Variants in COL25A1 observed in about 807,000 individuals in gnomAD.
COL25A1 encodes the protein collagen type XXV alpha 1 chain.
In COL25A1, 103 loss-of-function variants were observed where a neutral mutation model predicts 128.4. The observed-to-expected ratio is 0.80, with a 90% CI of 0.68 to 0.94. The LOEUF (loss-of-function observed/expected upper bound fraction) is 0.94. Among genes scored for constraint, COL25A1 ranks in the 40% least tolerant of loss-of-function variants. COL25A1 has a pLI of 0.00. For synonymous variants in COL25A1, 279 were observed against 277.2 expected, an observed-to-expected ratio of 1.01 and a Z score of -0.06; for missense variants, 745 against 840.0, an observed-to-expected ratio of 0.89 and a Z score of 1.40.
intron 5 of COL25A1, among the ~76,000 whole-genome samples, chr4:109,022,704 A>G (rs1757886670): frequency 6.6e-6 from 1 of 152,220 alleles, no homozygotes; most frequent in Non-Finnish European, 1.5e-5. Context: ...CACATAGGGT[A>G]AGTGTGGATG....
chr4:109,123,677 G>A (rs1401671337), intron 3 of COL25A1, among the ~76,000 whole-genome samples: 4 of 151,958 alleles, frequency 2.6e-5, no homozygotes, highest in Non-Finnish European at 5.9e-5. Context: ...ATATTCTATT[G>A]ATAATGCTGG....
intron 3 of COL25A1, among the ~76,000 whole-genome samples, chr4:109,172,129 G>A (rs1332793644): frequency 6.6e-6 from 1 of 152,138 alleles, no homozygotes; most frequent in Non-Finnish European, 1.5e-5. Context: ...TGAGCTCACT[G>A]AGAACACTTC....
At chr4:108,991,489 C>T (rs1021810573) in intron 6 of COL25A1, among the ~76,000 whole-genome samples, 1 of 152,048 alleles carries the variant, frequency 6.6e-6, no homozygotes, top group African/African-American at 2.4e-5. Flanking sequence ...ATCAAAAATT[C>T]TAATATATTA....
In COL25A1 at chr4:108,920,576, AC is replaced by A; in HGVS notation, c.735+1del. 1 of 1,602,452 alleles carries A rather than the reference AC, an allele frequency of 6.2e-7. No homozygotes were observed. Among genetic ancestry groups the A allele is most frequent in the Non-Finnish European group, 8.5e-7 (1 of 1,171,758 alleles). On this transcript the variant is annotated splice_donor_variant, in intron 12 of 37. Coordinates refer to ENST00000399132, the MANE Select transcript of COL25A1 (RefSeq NM_198721.4). LOFTEE classifies it high-confidence loss of function. ...TTCACAATATTGTTGTTTATACTCT[AC>A]CTTTTGTCCCGGAGGCCCTAGAGGA...
intron 3 of COL25A1, among the ~76,000 whole-genome samples, chr4:109,240,284 C>T (rs959783481): frequency 6.6e-6 from 1 of 151,938 alleles, no homozygotes; most frequent in East Asian, 1.9e-4. Context: ...TTGTTTACAC[C>T]AGCATCACCG....
intron 19 of COL25A1, among the ~76,000 whole-genome samples, chr4:108,871,633 A>T (rs577952552): frequency 6.6e-6 from 1 of 152,270 alleles, no homozygotes; most frequent in East Asian, 1.9e-4. Flanking sequence ...CTAATTTTAA[A>T]GGCTTTGAGC....
chr4:109,197,978 C>T (rs1410343779), intron 3 of COL25A1, among the ~76,000 whole-genome samples: 3 of 152,154 alleles, frequency 2.0e-5, no homozygotes, highest in Non-Finnish European at 2.9e-5. Flanking sequence ...TTTTCTCATT[C>T]ATCAAAACAT....
At chr4:109,020,828 GA>G (rs1757675741) in intron 5 of COL25A1, among the ~76,000 whole-genome samples, 1 of 152,006 alleles carries the variant, frequency 6.6e-6, no homozygotes, top group South Asian at 2.1e-4. Context: ...AATTTTATTG[GA>G]TACCTAATAT....
chr4:109,248,259 T>C (rs75615559), intron 3 of COL25A1, among the ~76,000 whole-genome samples: 2,102 of 151,140 alleles, frequency 0.014, 36 homozygotes, highest in East Asian at 0.058. Context: ...TTCAATAGAA[T>C]TAATATTTCC....
chr4:109,050,083 C>T (rs773140040), intron 4 of COL25A1, 52 bp downstream of exon 4: 19 of 1,477,876 alleles, frequency 1.3e-5, no homozygotes, highest in East Asian at 4.6e-5. Context: ...GAACAGATGC[C>T]GGAACTTAAC....
intron 3 of COL25A1, among the ~76,000 whole-genome samples, chr4:109,141,391 T>A (rs1262573033): frequency 3.3e-5 from 5 of 151,834 alleles, no homozygotes; most frequent in Non-Finnish European, 7.4e-5. Flanking sequence ...GGCCAGAAAT[T>A]TCCTTTTTTT....
chr4:109,079,317 T>C (rs1560651217), intron 3 of COL25A1, among the ~76,000 whole-genome samples: 1 of 152,222 alleles, frequency 6.6e-6, no homozygotes, highest in Non-Finnish European at 1.5e-5. Flanking sequence ...TTCTACACTA[T>C]TTACCATTAA....
chr4:108,821,587 A>G (rs1037175763), intron 35 of COL25A1, among the ~76,000 whole-genome samples: 5 of 152,012 alleles, frequency 3.3e-5, no homozygotes, highest in Non-Finnish European at 4.4e-5. Context: ...TGGTAAATCA[A>G]CTCAGATTAA....
intron 3 of COL25A1, among the ~76,000 whole-genome samples, chr4:109,160,171 C>T (rs1185290342): frequency 6.6e-6 from 1 of 152,102 alleles, no homozygotes; most frequent in East Asian, 1.9e-4. Flanking sequence ...ATTTACATTG[C>T]TTTTTCTAAT....
chr4:109,050,191 A>G lies in COL25A1; in HGVS notation c.368-12T>C. On this transcript the variant is annotated splice_polypyrimidine_tract_variant and intron_variant, in intron 3 of 37. Coordinates refer to ENST00000399132, the MANE Select transcript of COL25A1 (RefSeq NM_198721.4). ...TTTCCCTGGAGGGCCTGAAATACAA[A>G]GGATAATTTTTTTAGTGTAGTTTAA... The G allele has an allele frequency of 6.2e-7, 1 of 1,603,422 alleles. No individual in the cohort carries two copies. Among genetic ancestry groups the G allele is most frequent in the Non-Finnish European group, 8.5e-7 (1 of 1,173,476 alleles).
chr4:109,254,338 G>A (rs925375792), intron 3 of COL25A1, among the ~76,000 whole-genome samples: 171 of 150,582 alleles, frequency 1.1e-3, no homozygotes, highest in African/African-American at 4.0e-3. Context: ...ATTTGCCAAA[G>A]ACATTGAGGC....
chr4:109,184,224 C>T (rs1258666468), intron 3 of COL25A1, among the ~76,000 whole-genome samples: 1 of 152,068 alleles, frequency 6.6e-6, no homozygotes, highest in African/African-American at 2.4e-5. Context: ...TACTTTGTTG[C>T]TAAATGAAGG....
chr4:108,928,649 C>A (rs1054895291), intron 11 of COL25A1, among the ~76,000 whole-genome samples: 5 of 151,900 alleles, frequency 3.3e-5, no homozygotes, highest in Admixed American at 1.3e-4. Context: ...CTCAAGCGAT[C>A]CTCCTGTCTC....
chr4:108,952,573 G>A lies in COL25A1; in HGVS notation c.493-11136C>T, dbSNP rs563786652. ...TTGTCAAAAAGTCTTCTAAGATGGC[G>A]CAGTATAAAAATAGCATGCAATACA... On this transcript the variant is annotated intron_variant, in intron 8 of 37. Coordinates refer to ENST00000399132, the MANE Select transcript of COL25A1 (RefSeq NM_198721.4). 2.6e-5 allele frequency among the ~76,000 whole-genome samples: 4 copies of A among 152,196 alleles called. No homozygotes were observed. In the East Asian group the frequency reaches 5.8e-4, roughly 22 times the overall value.
Sources: allele counts gnomAD v4.1 joint callset (sites outside exome capture counted in the v4.1 genomes callset), GRCh38; gene constraint gnomAD v4.1.1; transcripts MANE v1.5; gene names NCBI Gene and HGNC (gene_info 2026-07-23, HGNC 2026-07-21).